Variants in ATP8A2 observed in about 807,000 individuals in gnomAD.
The protein encoded by ATP8A2 is ATPase phospholipid transporting 8A2.
A neutral mutation model predicts 165.6 loss-of-function variants in ATP8A2; 100 were observed. The ratio of observed to expected loss-of-function variants is 0.60; its 90% confidence interval spans 0.51 to 0.71. ATP8A2 has a LOEUF of 0.71. Ranked by LOEUF, ATP8A2 falls within the 30% of genes least tolerant of loss-of-function variation. The pLI is 0.00. For missense variants in ATP8A2, 1,227 were observed against 1,479.5 expected (o/e 0.83, Z 2.80); for synonymous variants, 543 against 548.8 (o/e 0.99, Z 0.15).
At chr13:25,774,996 T>C in intron 27 of ATP8A2, 37 bp downstream of exon 27, 1 of 1,202,250 alleles carries the variant, frequency 8.3e-7, no homozygotes, top group Non-Finnish European at 1.2e-6. Flanking sequence ...AAGAGAAAGT[T>C]CTTTTAAGAG....
At chr13:25,860,141 T>C (rs1228665393) in intron 30 of ATP8A2, 54 bp from the exon 31 acceptor site, 20 of 1,176,982 alleles carry the variant, frequency 1.7e-5, no homozygotes, top group Non-Finnish European at 2.4e-5. Context: ...CTGAGTTAAA[T>C]AGGTGGCCAT....
chr13:25,635,064 T>C (rs2041336323), intron 24 of ATP8A2, among the ~76,000 whole-genome samples: 1 of 152,188 alleles, frequency 6.6e-6, no homozygotes, highest in Non-Finnish European at 1.5e-5. Context: ...GCTGTTTCAG[T>C]GTCAGCACCA....
At chr13:25,444,643 T>TTTTTG (rs963144974) in intron 1 of ATP8A2, among the ~76,000 whole-genome samples, 3 of 151,924 alleles carry the variant, frequency 2.0e-5, no homozygotes, top group African/African-American at 7.3e-5. Context: ...CTGTTTTTTT[T>TTTTTG]TTTTGTTTTG....
intron 28 of ATP8A2, among the ~76,000 whole-genome samples, chr13:25,834,373 T>A: frequency 6.6e-6 from 1 of 152,186 alleles, no homozygotes; most frequent in East Asian, 1.9e-4. Context: ...TAAAAATGCA[T>A]GTATCCTTTT....
intron 30 of ATP8A2, among the ~76,000 whole-genome samples, chr13:25,855,250 CAAA>C (rs377574904): frequency 6.3e-5 from 7 of 111,552 alleles, no homozygotes; most frequent in Non-Finnish European, 7.7e-5. Flanking sequence ...GACTCCATCT[CAAA>C]AAAAAAAAAA....
In ATP8A2 at chr13:25,699,227, A is replaced by G. The variant is rs2042898698; in HGVS notation, c.2266A>G (p.Lys756Glu). The G allele has an allele frequency of 6.2e-7, 1 of 1,613,322 alleles. No homozygotes were observed. The highest frequency in any genetic ancestry group is 8.5e-7 in the Non-Finnish European group (1 of 1,179,570). Residue 756 changes from lysine (K) to glutamate (E), a missense_variant, in exon 25 of 37, where the codon AAG (lysine) becomes GAG (glutamate). Coordinates refer to ENST00000381655, the MANE Select transcript of ATP8A2 (RefSeq NM_016529.6). ...HCTDLGNLLG[K>E]ENDVALIIDG... Reference sequence around the variant, plus strand: ...CACTGACCTTGGGAATTTGCTGGGCAAGGAAAATGACGTGGCCCTGATCAT... The same window carrying G: ...CACTGACCTTGGGAATTTGCTGGGCGAGGAAAATGACGTGGCCCTGATCAT...
At chr13:25,430,495 C>T (rs1405582267) in intron 1 of ATP8A2, among the ~76,000 whole-genome samples, 1 of 152,146 alleles carries the variant, frequency 6.6e-6, no homozygotes, top group Non-Finnish European at 1.5e-5. Flanking sequence ...AAGATGGTAG[C>T]AGAAGGCCAC....
intron 25 of ATP8A2, among the ~76,000 whole-genome samples, chr13:25,734,524 A>G (rs891681524): frequency 6.6e-6 from 1 of 152,188 alleles, no homozygotes; most frequent in African/African-American, 2.4e-5. Context: ...ACTGTGTGCT[A>G]CCCAGTGGGC....
At chr13:25,859,131 G>A (rs1027074560) in intron 30 of ATP8A2, among the ~76,000 whole-genome samples, 2 of 152,048 alleles carry the variant, frequency 1.3e-5, no homozygotes, top group Admixed American at 1.3e-4. Context: ...GAATCCAGGA[G>A]GCAGAGGTTG....
chr13:25,662,872 A>G (rs1488189742), intron 24 of ATP8A2, among the ~76,000 whole-genome samples: 14 of 152,196 alleles, frequency 9.2e-5, no homozygotes, highest in Non-Finnish European at 2.1e-4. Flanking sequence ...CTTTATATGC[A>G]TGTGTTATGT....
At chr13:25,977,877 G>A (rs1210025714) in intron 35 of ATP8A2, among the ~76,000 whole-genome samples, 1 of 152,182 alleles carries the variant, frequency 6.6e-6, no homozygotes, top group Non-Finnish European at 1.5e-5. Context: ...ATGGAGGGAG[G>A]TAAGTGTGGA....
At chr13:25,836,296 C>T (rs1404524631) in intron 28 of ATP8A2, among the ~76,000 whole-genome samples, 2 of 152,100 alleles carry the variant, frequency 1.3e-5, no homozygotes, top group Admixed American at 6.6e-5. Context: ...CTGCTGGGGC[C>T]GAGTGCAGGA....
chr13:25,791,507 G>A (rs969635329), intron 27 of ATP8A2, among the ~76,000 whole-genome samples: 5 of 146,970 alleles, frequency 3.4e-5, no homozygotes, highest in Non-Finnish European at 7.4e-5. Flanking sequence ...TAACAAACCT[G>A]CACATGTATC....
Position 25,640,561 on chromosome 13 carries a change from T to C in ATP8A2, c.2211+50862T>C, listed in dbSNP as rs1319686233. ...CTCCCAAGACTAAACCAGGAAGAAG[T>C]TGAATCCCTGAATAGATCAATAACA... On this transcript the variant is annotated intron_variant, in intron 24 of 36. Coordinates refer to ENST00000381655, the MANE Select transcript of ATP8A2 (RefSeq NM_016529.6). Among the ~76,000 whole-genome samples, 8 of 152,140 alleles carry C rather than the reference T, an allele frequency of 5.3e-5. No individual in the cohort carries two copies. In the East Asian group the frequency reaches 7.7e-4, roughly 15 times the overall value.
intron 25 of ATP8A2, among the ~76,000 whole-genome samples, chr13:25,745,840 C>T (rs938686564): frequency 6.6e-5 from 10 of 152,118 alleles, no homozygotes; most frequent in Non-Finnish European, 1.3e-4. Flanking sequence ...TTGAATCATC[C>T]TCTAGTTCAG....
chr13:25,752,791 T>C (rs1026873493), intron 25 of ATP8A2, among the ~76,000 whole-genome samples: 2 of 152,188 alleles, frequency 1.3e-5, no homozygotes, highest in Non-Finnish European at 1.5e-5. Context: ...TCAAAGTGTT[T>C]CCTCTACCTC....
chr13:25,926,014 C>A (rs959870338), intron 33 of ATP8A2, among the ~76,000 whole-genome samples: 5 of 152,150 alleles, frequency 3.3e-5, no homozygotes, highest in African/African-American at 1.2e-4. Flanking sequence ...GCATGAGCCA[C>A]CGCACCCAGT....
At chr13:25,460,850 G>A (rs1434826654) in intron 1 of ATP8A2, among the ~76,000 whole-genome samples, 1 of 152,178 alleles carries the variant, frequency 6.6e-6, no homozygotes, top group Non-Finnish European at 1.5e-5. Context: ...ATGGCTTCCT[G>A]AATGAAATTG....
intron 33 of ATP8A2, chr13:25,871,243 C>G: frequency 2.5e-6 from 1 of 393,140 alleles, no homozygotes; most frequent in South Asian, 1.9e-5. Flanking sequence ...AATATTTATG[C>G]TCAGTGGTCA....
Sources: gnomAD v4.1 joint callset for allele counts (sites outside exome capture counted in the v4.1 genomes callset) on GRCh38, gnomAD v4.1.1 for gene constraint, MANE v1.5 for transcripts, NCBI Gene and HGNC (gene_info 2026-07-23, HGNC 2026-07-21) for gene names.